CACNB1: variants seen among roughly 807,000 people sequenced by gnomAD.
The protein encoded by CACNB1 is voltage-dependent L-type calcium channel subunit beta-1.
CACNB1 carries 29 observed loss-of-function variants against 71.6 expected under a neutral mutation model. The observed-to-expected ratio is 0.40, with a 90% CI of 0.30 to 0.55. The LOEUF (loss-of-function observed/expected upper bound fraction) is 0.55. Among genes scored for constraint, CACNB1 ranks in the 20% least tolerant of loss-of-function variants. CACNB1 has a pLI of 0.38. For synonymous variants in CACNB1, 300 were observed against 319.6 expected, an observed-to-expected ratio of 0.94 and a Z score of 0.65; for missense variants, 623 against 801.8, an observed-to-expected ratio of 0.78 and a Z score of 2.69.
intron 13 of CACNB1, chr17:39,177,113 CA>C (rs1052174531): frequency 7.0e-7 from 1 of 1,426,266 alleles, no homozygotes; most frequent in African/African-American, 1.4e-5. Flanking sequence ...CCAGACCCAT[CA>C]AAAACCACAG....
At position 39,194,880 on chromosome 17, in the gene CACNB1, T is replaced by C. The variant is rs1376818442; in HGVS notation, c.171+4A>G. 1.9e-6 allele frequency: 3 copies of C among 1,603,804 alleles called. No homozygotes were observed. The highest frequency in any genetic ancestry group is 2.6e-6 in the Non-Finnish European group (3 of 1,171,756). ...CCCTCCTCTCCGCCCAGCCTCCCCA[T>C]TACCTGGCGGACAAAGCTGTTGGAT... On this transcript the variant is annotated splice_donor_region_variant and intron_variant, in intron 2 of 13. Transcript: ENST00000394303. The surrounding 1 kb of genome is among the most constrained non-coding windows in gnomAD (Gnocchi z 4.6).
chr17:39,177,973 T>C lies in CACNB1; in HGVS notation c.1146+11A>G. The C allele has an allele frequency of 6.3e-7, 1 of 1,598,540 alleles. No individual in the cohort carries two copies. The highest frequency in any genetic ancestry group is 1.3e-5 in the African/African-American group (1 of 74,698). On this transcript the variant is annotated intron_variant, in intron 12 of 13. Transcript: ENST00000394303. ...TCCCTCCATTCCCTTCCCTGGGATC[T>C]AGGCACTCACAGGGGGGCACTGTGC...
chr17:39,177,602 G>C, intron 12 of CACNB1, 67 bp from the exon 13 acceptor site: 1 of 1,326,548 alleles, frequency 7.5e-7, no homozygotes, highest in Non-Finnish European at 1.0e-6. Context: ...TTGAGGGTGT[G>C]GCCTGGGTGC....
intron 11 of CACNB1, among the ~76,000 whole-genome samples, chr17:39,179,665 G>GT (rs1328816951): frequency 8.5e-5 from 13 of 152,142 alleles, no homozygotes; most frequent in Non-Finnish European, 1.9e-4. Flanking sequence ...TTGGGAGGCT[G>GT]AGGCGGGTGG....
Position 39,197,649 on chromosome 17 carries a change from G to C in CACNB1, c.-154C>G. 1.8e-6 allele frequency: 1 copy of C among 557,092 alleles called. No individual in the cohort carries two copies. The highest frequency in any genetic ancestry group is 2.3e-5 in the South Asian group (1 of 43,190). The allele number at this position is 557,092 out of a possible 1,614,324, so 34.5% of individuals were successfully genotyped here. A position where few individuals can be genotyped will look rare whatever the true frequency, so the allele number is the denominator to read the frequency against. On this transcript the variant is annotated 5_prime_UTR_variant, in exon 1 of 14. Transcript: ENST00000394303. ...GGCTGCCTCCTTCCTGCCTTCCCTC[G>C]CTCCTCCCGCTCTCTCCACTGCCGC... is the stretch of plus-strand genomic sequence containing the variant.
At chr17:39,188,840 C>T (rs1018454574) in intron 3 of CACNB1, among the ~76,000 whole-genome samples, 3 of 151,886 alleles carry the variant, frequency 2.0e-5, no homozygotes, top group South Asian at 2.1e-4. Flanking sequence ...GTCAAAAGTT[C>T]GAGACCAGCC....
intron 2 of CACNB1, chr17:39,192,431 A>G (rs1035399805): frequency 6.6e-6 from 1 of 152,252 alleles, no homozygotes; most frequent in African/African-American, 2.4e-5. Flanking sequence ...GTGCTTCTTC[A>G]TGTGTGTGTG....
chr17:39,185,635 C>G (rs1175247087), intron 6 of CACNB1, among the ~76,000 whole-genome samples: 2 of 151,396 alleles, frequency 1.3e-5, no homozygotes, highest in Non-Finnish European at 2.9e-5. Context: ...GCTTCACATG[C>G]CAAGGTAGAC....
At position 39,186,482 on chromosome 17, in the gene CACNB1, G is replaced by A; in HGVS notation, c.628+14C>T. ...GAGCTTCTTCCCAAACCCCTGCATG[G>A]CGATGGCTCTTACCACTGGCAGGGG... On this transcript the variant is annotated intron_variant, in intron 6 of 13. Coordinates refer to ENST00000394303, the MANE Select transcript of CACNB1 (RefSeq NM_000723.5). The surrounding 1 kb of genome is among the most constrained non-coding windows in gnomAD (Gnocchi z 4.1). 17 of 1,606,098 alleles carry A rather than the reference G, an allele frequency of 1.1e-5. No homozygotes were observed. The highest frequency in any genetic ancestry group is 1.4e-5 in the Non-Finnish European group (17 of 1,174,152).
In CACNB1 at chr17:39,184,027, T is replaced by C. The variant is rs747731549; in HGVS notation, c.898+4A>G. 6.2e-7 allele frequency: 1 copy of C among 1,605,472 alleles called. No homozygotes were observed. The highest frequency in any genetic ancestry group is 2.2e-5 in the East Asian group (1 of 44,824). The stretch of plus-strand genomic sequence containing the variant: ...GGGAGTGAAGACAGCAGGAGTAGGC[T>C]CACCCAGGCTGGAGCGTGTGTTGGA... On this transcript the variant is annotated splice_donor_region_variant and intron_variant, in intron 10 of 13. Transcript: ENST00000394303.
chr17:39,191,620 G>A, intron 2 of CACNB1, 27 bp from the exon 3 acceptor site: 1 of 1,603,526 alleles, frequency 6.2e-7, no homozygotes, highest in South Asian at 1.1e-5. Flanking sequence ...CCAGATCAGG[G>A]CCATTGCTGC....
chr17:39,186,714 C>A lies in CACNB1; in HGVS notation c.551+79G>T. ...AGCTCTGTGCCCTCAGGGCCAGGGACAACCATTGAGGCCTAGTCCAGGCTG... is the reference window on the plus strand; with the variant it reads ...AGCTCTGTGCCCTCAGGGCCAGGGAAAACCATTGAGGCCTAGTCCAGGCTG... On this transcript the variant is annotated intron_variant, in intron 5 of 13. Transcript: ENST00000394303. This position sits in a 1 kb window ranked among gnomAD's most constrained non-coding sequence, Gnocchi z 4.1. 3.8e-6 allele frequency: 6 copies of A among 1,580,438 alleles called. No homozygotes were observed. The highest frequency in any genetic ancestry group is 5.2e-6 in the Non-Finnish European group (6 of 1,154,118).
intron 3 of CACNB1, among the ~76,000 whole-genome samples, chr17:39,190,247 T>C (rs2046041822): frequency 6.6e-6 from 1 of 151,860 alleles, no homozygotes; most frequent in Non-Finnish European, 1.5e-5. Context: ...CATAGCAAGA[T>C]CCCATCTCTA....
rs1421608704 is a variant in CACNB1 at position 39,192,064 on chromosome 17, A to C, written c.172-471T>G. ...ATCAGCCGTGGACGGCCTGCTCCGC[A>C]GGATGGGGCCACCACAGATTTTGCC... is the stretch of plus-strand genomic sequence containing the variant. On this transcript the variant is annotated intron_variant, in intron 2 of 13. Transcript: ENST00000394303. 1.7e-5 allele frequency: 3 copies of C among 175,838 alleles called. No homozygotes were observed. The Admixed American group carries it at 1.9e-4, about 11-fold the overall frequency. The allele number at this position is 175,838 out of a possible 1,614,324, so 10.9% of individuals were successfully genotyped here.
At chr17:39,195,182 G>C (rs2046177944) in intron 1 of CACNB1, 1 of 536,654 alleles carries the variant, frequency 1.9e-6, no homozygotes, top group African/African-American at 1.9e-5. Flanking sequence ...CAGGAGTGGG[G>C]ACCAGTGCAA....
chr17:39,180,473 G>A (rs1354241808), intron 11 of CACNB1, among the ~76,000 whole-genome samples: 1 of 151,754 alleles, frequency 6.6e-6, no homozygotes, highest in Non-Finnish European at 1.5e-5. Flanking sequence ...TGGCCAACAT[G>A]GTGAAACTCT....
chr17:39,175,379 C>T lies in CACNB1; in HGVS notation c.1611G>A (p.Gly537=). The change falls in exon 14 of 14, where the codon GGG becomes GGA. Residue 537 remains glycine (G), a synonymous_variant. Transcript: ENST00000394303. The surrounding 1 kb of genome is among the most constrained non-coding windows in gnomAD (Gnocchi z 4.7). ...SEGPGLGDPA[G]GGTPPARQGS... is the part of the protein sequence containing the mutation. ...CCTGTCGGGCTGGGGGCGTGCCGCCCCCTGCAGGGTCTCCAAGCCCTGGCC... is the reference window on the plus strand; with the variant it reads ...CCTGTCGGGCTGGGGGCGTGCCGCCTCCTGCAGGGTCTCCAAGCCCTGGCC... 6.2e-7 allele frequency: 1 copy of T among 1,614,188 alleles called. No homozygotes were observed. Among genetic ancestry groups the T allele is most frequent in the Admixed American group, 1.7e-5 (1 of 60,030 alleles).
At chr17:39,179,280 CAAAAAAAAA>C (rs35292368) in intron 11 of CACNB1, among the ~76,000 whole-genome samples, 1 of 48,656 alleles carries the variant, frequency 2.1e-5, no homozygotes, top group Non-Finnish European at 4.2e-5. Context: ...GACTCCGTCT[CAAAAAAAAA>C]AAAAAAAAAA....
Position 39,191,709 on chromosome 17 carries a change from G to C in CACNB1, c.172-116C>G. 3.0e-6 allele frequency: 3 copies of C among 996,392 alleles called. No homozygotes were observed. In the South Asian group the frequency reaches 4.5e-5, roughly 15 times the overall value. The allele number at this position is 996,392 out of a possible 1,614,324, so 61.7% of individuals were successfully genotyped here. On this transcript the variant is annotated intron_variant, in intron 2 of 13. Transcript: ENST00000394303. ...CCTCGAGCCCCAGCCAGCCCAGCAT[G>C]ACACCACAAGGGCTAAGACAAGGTG...
Sources: gnomAD v4.1 joint callset for allele counts (sites outside exome capture counted in the v4.1 genomes callset) on GRCh38, gnomAD v4.1.1 for gene constraint, Gnocchi (gnomAD v3.1) non-coding constraint, MANE v1.5 for transcripts, NCBI Gene and HGNC (gene_info 2026-07-23, HGNC 2026-07-21) for gene names.